ZNF521: variants seen among roughly 807,000 people sequenced by gnomAD.
ZNF521 encodes the protein zinc finger protein 521.
In ZNF521, 14 loss-of-function variants were observed where a neutral mutation model predicts 105.5. That is an observed-to-expected ratio of 0.13 (90% CI 0.09 to 0.21). The LOEUF is 0.21. Ranked by LOEUF, ZNF521 falls within the 10% of genes least tolerant of loss-of-function variation. The pLI is 1.00. For missense variants in ZNF521, 1,233 were observed against 1,629.7 expected (o/e 0.76, Z 4.19); for synonymous variants, 635 against 606.0 (o/e 1.05, Z -0.70).
At chr18:25,279,977 G>A (rs543362197) in intron 3 of ZNF521, among the ~76,000 whole-genome samples, 2 of 152,148 alleles carry the variant, frequency 1.3e-5, no homozygotes, top group East Asian at 1.9e-4. Flanking sequence ...GCAGTGATAC[G>A]ATATATTGAT....
At chr18:25,211,987 T>C (rs957318338) in intron 4 of ZNF521, among the ~76,000 whole-genome samples, 1 of 152,210 alleles carries the variant, frequency 6.6e-6, no homozygotes, top group Admixed American at 6.5e-5. Context: ...TATTCTACAC[T>C]GAATTTTATA....
Position 25,226,081 on chromosome 18 carries a change from C to T in ZNF521, c.1837G>A (p.Glu613Lys). The T allele has an allele frequency of 1.9e-6, 3 of 1,614,162 alleles. No individual in the cohort carries two copies. The highest frequency in any genetic ancestry group is 2.5e-6 in the Non-Finnish European group (3 of 1,180,020). The change falls in exon 4 of 8, where the codon GAG becomes AAG. Residue 613 changes from glutamate to lysine, a missense_variant. Physicochemically the swap from Glu to Lys is moderately conservative, Grantham distance 56. Coordinates refer to ENST00000361524, the MANE Select transcript of ZNF521 (RefSeq NM_015461.3). The surrounding 1 kb of genome is among the most constrained non-coding windows in gnomAD (Gnocchi z 4.1). ...ALSPLSPVAI[E>K]QTSLKMMQAV... ...TGCATCATCTTAAGAGATGTCTGCT[C>T]TATGGCCACAGGAGATAGGGGGCTT...
intron 4 of ZNF521, among the ~76,000 whole-genome samples, chr18:25,212,956 C>A (rs888178955): frequency 6.6e-6 from 1 of 151,388 alleles, no homozygotes; most frequent in Admixed American, 6.6e-5. Context: ...CTTTGGGTGT[C>A]GTTTTACATG....
At chr18:25,285,166 A>G (rs1160892577) in intron 3 of ZNF521, among the ~76,000 whole-genome samples, 1 of 152,098 alleles carries the variant, frequency 6.6e-6, no homozygotes, top group Admixed American at 6.5e-5. Flanking sequence ...CCTGGTGTGG[A>G]TAAAGCTTCC....
intron 4 of ZNF521, among the ~76,000 whole-genome samples, chr18:25,212,747 T>A (rs2036215486): frequency 6.6e-6 from 1 of 151,086 alleles, no homozygotes; most frequent in African/African-American, 2.4e-5. Context: ...GTTTTATCAT[T>A]TTTTCCATAA....
At chr18:25,202,172 C>A (rs1220250245) in intron 4 of ZNF521, 1 of 152,136 alleles carries the variant, frequency 6.6e-6, no homozygotes, top group Non-Finnish European at 1.5e-5. Flanking sequence ...TGACAATTAA[C>A]AAGGGTTAAA....
At chr18:25,199,131 C>T (rs1016917968) in intron 4 of ZNF521, among the ~76,000 whole-genome samples, 9 of 151,608 alleles carry the variant, frequency 5.9e-5, no homozygotes, top group Admixed American at 4.6e-4. Flanking sequence ...TAAATACAGG[C>T]ATAGGGGAAC....
At chr18:25,302,726 A>C (rs938762857) in intron 3 of ZNF521, 4 of 152,200 alleles carry the variant, frequency 2.6e-5, no homozygotes, top group African/African-American at 9.6e-5. Flanking sequence ...CCTAGACTGC[A>C]GTTCTGCCCT....
At position 25,212,565 on chromosome 18, in the gene ZNF521, A is replaced by ATATATATATATATG. The variant is rs1227568202; in HGVS notation, c.3573+11779_3573+11780insCATATATATATATA. Among the ~76,000 whole-genome samples the ATATATATATATATG allele has an allele frequency of 4.1e-3, 463 of 112,574 alleles. 6 individuals carry two copies. The highest frequency in any genetic ancestry group is 5.8e-3 in the East Asian group (21 of 3,622). The allele number at this position is 112,574 out of a possible 152,430, so 73.9% of individuals were successfully genotyped here. On this transcript the variant is annotated intron_variant, in intron 4 of 7. Coordinates refer to ENST00000361524, the MANE Select transcript of ZNF521 (RefSeq NM_015461.3). ...TATATATATATATATATATATATATATGTATAGAAACATATATTTTAAAAC... is the reference window on the plus strand; with the variant it reads ...TATATATATATATATATATATATATATATATATATATATGTGTATAGAAACATATATTTTAAAAC...
At chr18:25,166,095 T>A (rs1323815442) in intron 5 of ZNF521, among the ~76,000 whole-genome samples, 6 of 152,232 alleles carry the variant, frequency 3.9e-5, no homozygotes, top group Non-Finnish European at 8.8e-5. Flanking sequence ...GCTATCCATT[T>A]TTTAAAGTTT....
chr18:25,292,900 C>T (rs1911116835), intron 3 of ZNF521, among the ~76,000 whole-genome samples: 1 of 152,148 alleles, frequency 6.6e-6, no homozygotes, highest in South Asian at 2.1e-4. Context: ...AGGTAGGACC[C>T]TCAGGGTCCA....
At chr18:25,259,303 A>T (rs773991560) in intron 3 of ZNF521, among the ~76,000 whole-genome samples, 8 of 152,184 alleles carry the variant, frequency 5.3e-5, no homozygotes, top group Non-Finnish European at 1.0e-4. Flanking sequence ...AGTCTTGGCC[A>T]AGTCTGGATT....
At chr18:25,244,321 C>T (rs981591608) in intron 3 of ZNF521, among the ~76,000 whole-genome samples, 32 of 151,802 alleles carry the variant, frequency 2.1e-4, no homozygotes, top group Non-Finnish European at 3.8e-4. Flanking sequence ...CACTCTCACC[C>T]TTTATACCAC....
intron 3 of ZNF521, among the ~76,000 whole-genome samples, chr18:25,288,907 T>C (rs996705571): frequency 6.6e-6 from 1 of 152,218 alleles, no homozygotes. Context: ...ACTTTGGTCA[T>C]GAGCTTTTCA....
rs1352207894 is a variant in ZNF521 at position 25,226,688 on chromosome 18, G to A, written c.1230C>T (p.Cys410=). ...CAAGACTTGAAAATAATTGTTTGTT[G>A]CAGTAAATACAGCTGTAGGTAACTT... is the stretch of plus-strand genomic sequence containing the variant. ...QAKVTYSCIY[C]NKQLFSSLAV... Residue 410 remains cysteine, a synonymous_variant, in exon 4 of 8, where the codon TGC becomes TGT. Coordinates refer to ENST00000361524, the MANE Select transcript of ZNF521 (RefSeq NM_015461.3). The surrounding 1 kb of genome is among the most constrained non-coding windows in gnomAD (Gnocchi z 4.1). 4.3e-6 allele frequency: 7 copies of A among 1,614,048 alleles called. No individual in the cohort carries two copies. In the East Asian group the frequency reaches 1.1e-4, roughly 26 times the overall value.
At chr18:25,200,617 C>G (rs2035976547) in intron 4 of ZNF521, among the ~76,000 whole-genome samples, 1 of 152,030 alleles carries the variant, frequency 6.6e-6, no homozygotes, top group African/African-American at 2.4e-5. Context: ...AGTCTATCCT[C>G]CATGTATTTT....
chr18:25,153,130 T>C (rs898968071), intron 5 of ZNF521, among the ~76,000 whole-genome samples: 7 of 152,230 alleles, frequency 4.6e-5, no homozygotes, highest in African/African-American at 1.7e-4. Context: ...TTTTGGTACA[T>C]GAAGTACTAT....
chr18:25,323,570 T>C (rs529225180), intron 2 of ZNF521, among the ~76,000 whole-genome samples: 162 of 152,198 alleles, frequency 1.1e-3, no homozygotes, highest in African/African-American at 3.6e-3. Flanking sequence ...GCCTCCCAAG[T>C]AGTTGGGACC....
At chr18:25,214,949 C>A (rs1479918877) in intron 4 of ZNF521, among the ~76,000 whole-genome samples, 3 of 151,908 alleles carry the variant, frequency 2.0e-5, no homozygotes, top group African/African-American at 7.3e-5. Context: ...AAGTTTCAGG[C>A]AGAATGACGA....
Sources: allele counts gnomAD v4.1 joint callset (sites outside exome capture counted in the v4.1 genomes callset), GRCh38; gene constraint gnomAD v4.1.1; non-coding constraint Gnocchi (gnomAD v3.1); transcripts MANE v1.5; gene names NCBI Gene and HGNC (gene_info 2026-07-23, HGNC 2026-07-21).